The following KLHL32 variants were observed in gnomAD, a reference collection of about 807,000 sequenced individuals.
KLHL32 encodes kelch-like protein 32.
KLHL32 carries 35 observed loss-of-function variants against 64.8 expected under a neutral mutation model. That is an observed-to-expected ratio of 0.54 (90% CI 0.41 to 0.72). The LOEUF (loss-of-function observed/expected upper bound fraction) is 0.72, where lower values mean the gene tolerates loss of function less well. Among genes scored for constraint, KLHL32 ranks in the 30% least tolerant of loss-of-function variants. The pLI, the probability that KLHL32 is intolerant of heterozygous loss-of-function variation, is 0.00. For synonymous variants in KLHL32, 259 were observed against 281.0 expected (o/e 0.92, Z 0.78); for missense variants, 589 against 768.5 (o/e 0.77, Z 2.76).
chr6:97,061,998 G>C (rs1035835522), intron 4 of KLHL32, among the ~76,000 whole-genome samples: 6 of 152,166 alleles, frequency 3.9e-5, no homozygotes, highest in African/African-American at 1.4e-4. Flanking sequence ...AACCCTTTAA[G>C]AGCACTTAGA....
intron 6 of KLHL32, among the ~76,000 whole-genome samples, chr6:97,092,091 G>C (rs1794341281): frequency 6.6e-6 from 1 of 151,714 alleles, no homozygotes; most frequent in African/African-American, 2.4e-5. Context: ...CCGAGTTCAA[G>C]TGATTCTCCA....
chr6:97,005,102 G>C (rs992565936), intron 3 of KLHL32, among the ~76,000 whole-genome samples: 13 of 152,146 alleles, frequency 8.5e-5, no homozygotes, highest in African/African-American at 2.2e-4. Flanking sequence ...CTGTGAATCT[G>C]TCTGGTCCTG....
chr6:97,107,862 G>C (rs983589971), intron 6 of KLHL32, among the ~76,000 whole-genome samples: 1 of 152,150 alleles, frequency 6.6e-6, no homozygotes, highest in East Asian at 1.9e-4. Flanking sequence ...CCTAAAAACC[G>C]AATTTTCCAT....
rs552522873 is a variant in KLHL32 at position 96,986,365 on chromosome 6, T to G, written c.204+10188T>G. Among the ~76,000 whole-genome samples the G allele has an allele frequency of 3.9e-5, 6 of 152,300 alleles. No individual in the cohort carries two copies. In the East Asian group the frequency reaches 1.2e-3, roughly 29 times the overall value. On this transcript the variant is annotated intron_variant, in intron 3 of 10. Coordinates refer to ENST00000369261, the MANE Select transcript of KLHL32 (RefSeq NM_052904.4). The stretch of plus-strand genomic sequence containing the variant: ...GTCTGTCCGTTCTTAGATGTCCAAC[T>G]GCATGCTGGGAGAACCACTACTCTC...
At chr6:97,110,517 A>T (rs1167023248) in intron 6 of KLHL32, among the ~76,000 whole-genome samples, 1 of 152,204 alleles carries the variant, frequency 6.6e-6, no homozygotes, top group Non-Finnish European at 1.5e-5. Context: ...AATGTCTGAA[A>T]TCATCTAGTG....
chr6:97,038,282 G>T (rs1242042932), intron 3 of KLHL32, among the ~76,000 whole-genome samples: 1 of 151,086 alleles, frequency 6.6e-6, no homozygotes, highest in East Asian at 1.9e-4. Context: ...TCTGACAAGG[G>T]ATTGATAACC....
chr6:96,973,730 C>CTTTTTTTTT (rs558193523), intron 2 of KLHL32, among the ~76,000 whole-genome samples: 2 of 118,256 alleles, frequency 1.7e-5, no homozygotes, highest in Admixed American at 8.4e-5. Context: ...TACAGATTGC[C>CTTTTTTTTT]TTTTTTTTTT....
intron 3 of KLHL32, among the ~76,000 whole-genome samples, chr6:97,016,948 C>CGAA (rs1350189486): frequency 6.6e-6 from 1 of 152,162 alleles, no homozygotes; most frequent in Non-Finnish European, 1.5e-5. Flanking sequence ...CCTTGCTTCC[C>CGAA]CTTTGCCTTC....
intron 5 of KLHL32, among the ~76,000 whole-genome samples, chr6:97,081,504 G>A (rs55732945): frequency 0.03 from 4,627 of 152,256 alleles, 83 homozygotes; most frequent in East Asian, 0.07. Context: ...GCCAGAACAT[G>A]GAGAATACAG....
the KLHL32 span, among the ~76,000 whole-genome samples, chr6:96,899,845 C>G: frequency 7.2e-5 from 11 of 152,306 alleles, no homozygotes; most frequent in African/African-American, 2.6e-4. Context: ...GAAAGTATAA[C>G]TAGGATGCTG....
chr6:97,139,377 T>C lies in KLHL32; in HGVS notation c.*95T>C, dbSNP rs914362463. The C allele has an allele frequency of 1.8e-6, 2 of 1,082,446 alleles. No homozygotes were observed. Among genetic ancestry groups the C allele is most frequent in the Non-Finnish European group, 1.3e-6 (1 of 750,764 alleles). The allele number at this position is 1,082,446 out of a possible 1,614,324, so 67.1% of individuals were successfully genotyped here. A position where few individuals can be genotyped will look rare whatever the true frequency, so the allele number is the denominator to read the frequency against. On this transcript the variant is annotated 3_prime_UTR_variant, in exon 11 of 11. Coordinates refer to ENST00000369261, the MANE Select transcript of KLHL32 (RefSeq NM_052904.4). ...AGTGCTCCATGCTTCCTTGTCTTGC[T>C]TTATAGGTCTTATATTCGGATAAAT...
intron 6 of KLHL32, among the ~76,000 whole-genome samples, chr6:97,104,635 G>A (rs1188969071): frequency 1.3e-5 from 2 of 152,082 alleles, no homozygotes; most frequent in South Asian, 4.1e-4. Flanking sequence ...AATAGCCTAT[G>A]TGTCTTACAT....
chr6:97,051,738 A>G (rs919210530), intron 4 of KLHL32, among the ~76,000 whole-genome samples: 3 of 152,184 alleles, frequency 2.0e-5, no homozygotes, highest in African/African-American at 7.2e-5. Context: ...ATCTTAGTGG[A>G]GGGAAGTTAA....
intron 6 of KLHL32, among the ~76,000 whole-genome samples, chr6:97,086,608 T>C (rs1240221912): frequency 6.6e-6 from 1 of 152,160 alleles, no homozygotes; most frequent in Admixed American, 6.5e-5. Context: ...CCTGCCCCCA[T>C]GTCTTCAATA....
intron 7 of KLHL32, among the ~76,000 whole-genome samples, chr6:97,126,132 T>C (rs1355763807): frequency 1.3e-5 from 2 of 152,194 alleles, no homozygotes; most frequent in African/African-American, 4.8e-5. Flanking sequence ...AAACTTTTTT[T>C]AGTCGGGCTT....
At chr6:97,068,799 CGTAT>C (rs1247522347) in intron 5 of KLHL32, among the ~76,000 whole-genome samples, 80 of 152,270 alleles carry the variant, frequency 5.3e-4, no homozygotes, top group South Asian at 2.5e-3. Flanking sequence ...TTAAATACAT[CGTAT>C]TAAACCAGGG....
chr6:97,112,790 A>C (rs895929183), intron 6 of KLHL32, among the ~76,000 whole-genome samples: 5 of 150,888 alleles, frequency 3.3e-5, no homozygotes, highest in African/African-American at 1.2e-4. Flanking sequence ...GAATTTCTTA[A>C]AACTAAAGCA....
intron 3 of KLHL32, among the ~76,000 whole-genome samples, chr6:97,014,787 G>T (rs1362461287): frequency 3.9e-5 from 6 of 152,178 alleles, no homozygotes; most frequent in Non-Finnish European, 7.3e-5. Flanking sequence ...GGACTTCAAA[G>T]GTCAAATTCC....
At chr6:96,906,896 A>T in the KLHL32 span, among the ~76,000 whole-genome samples, 1 of 152,180 alleles carries the variant, frequency 6.6e-6, no homozygotes. Context: ...AGTAGCTCTT[A>T]TATGTCCAGA....
Sources: gnomAD v4.1 joint callset for allele counts (sites outside exome capture counted in the v4.1 genomes callset) on GRCh38, gnomAD v4.1.1 for gene constraint, MANE v1.5 for transcripts, NCBI Gene and HGNC (gene_info 2026-07-23, HGNC 2026-07-21) for gene names.